The following CUX1 variants were observed in gnomAD, a reference collection of about 807,000 sequenced individuals.
CUX1 encodes cut like homeobox 1.
Under a neutral mutation model 158.8 loss-of-function variants are expected in CUX1, and 31 were observed. That is an observed-to-expected ratio of 0.20 (90% CI 0.15 to 0.26). The LOEUF (loss-of-function observed/expected upper bound fraction) is 0.26. CUX1 is among the 10% of genes least tolerant of loss of function. The pLI is 1.00. For synonymous variants in CUX1, 879 were observed against 862.1 expected, an observed-to-expected ratio of 1.02 and a Z score of -0.34; for missense variants, 1,589 against 2,014.6, an observed-to-expected ratio of 0.79 and a Z score of 4.04.
chr7:101,912,338 C>T (rs1416398704), intron 1 of CUX1, among the ~76,000 whole-genome samples: 2 of 151,684 alleles, frequency 1.3e-5, no homozygotes, highest in African/African-American at 4.8e-5. Context: ...GGACATAACT[C>T]GCCTCACTTC....
chr7:101,928,588 AT>A (rs961206662), intron 2 of CUX1, among the ~76,000 whole-genome samples: 1 of 149,158 alleles, frequency 6.7e-6, no homozygotes, highest in African/African-American at 2.5e-5. Context: ...TTGGTCTCAA[AT>A]TCCTGACCTT....
At chr7:102,145,109 A>T (rs1304021127) in intron 8 of CUX1, among the ~76,000 whole-genome samples, 4 of 145,666 alleles carry the variant, frequency 2.7e-5, no homozygotes, top group Non-Finnish European at 4.5e-5. Flanking sequence ...AAAAAAAAAA[A>T]TTTGAATCTC....
Position 101,893,174 on chromosome 7 carries a change from TTTTTTTTTTTTA to T in CUX1, c.31-22940_31-22929del, listed in dbSNP as rs1449191147. On this transcript the variant is annotated intron_variant, in intron 1 of 23. Coordinates refer to ENST00000292535, the MANE Select transcript of CUX1 (RefSeq NM_181552.4). ...TTTTTATTACTTTTTTTTTTTTTTT[TTTTTTTTTTTTA>T]AAATAGAGATGAGGGCTTGCTGTGT... Among the ~76,000 whole-genome samples the T allele has an allele frequency of 2.4e-4, 27 of 110,918 alleles. 1 individual carries two copies. The highest frequency in any genetic ancestry group is 7.3e-4 in the African/African-American group (21 of 28,938). The allele number at this position is 110,918 out of a possible 152,430, so 72.8% of individuals were successfully genotyped here. A position where few individuals can be genotyped will look rare whatever the true frequency, so the allele number is the denominator to read the frequency against.
At chr7:101,929,433 A>G (rs912920486) in intron 2 of CUX1, among the ~76,000 whole-genome samples, 6 of 152,184 alleles carry the variant, frequency 3.9e-5, no homozygotes, top group Non-Finnish European at 8.8e-5. Context: ...TTTCTGGTCA[A>G]TAACCTCAAC....
At chr7:102,099,595 G>T (rs1339504300) in intron 5 of CUX1, among the ~76,000 whole-genome samples, 1 of 151,112 alleles carries the variant, frequency 6.6e-6, no homozygotes, top group Non-Finnish European at 1.5e-5. Context: ...GTCTCGCCCT[G>T]TCACCCAGGC....
chr7:102,237,906 AGG>A (rs35662402), intron 22 of CUX1, among the ~76,000 whole-genome samples: 1 of 151,966 alleles, frequency 6.6e-6, no homozygotes, highest in Non-Finnish European at 1.5e-5. Flanking sequence ...TCCACTGGAC[AGG>A]GGGCCCTTCC....
At chr7:101,901,310 T>A (rs1350263062) in intron 1 of CUX1, among the ~76,000 whole-genome samples, 3 of 152,066 alleles carry the variant, frequency 2.0e-5, no homozygotes, top group Non-Finnish European at 4.4e-5. Flanking sequence ...TTATTTGTTT[T>A]TGAGACGGAG....
chr7:102,074,874 C>T (rs1050571507), intron 4 of CUX1, among the ~76,000 whole-genome samples: 9 of 152,088 alleles, frequency 5.9e-5, no homozygotes, highest in African/African-American at 2.2e-4. Context: ...TTTTGTTTTT[C>T]TTGAGATGGG....
At chr7:101,897,341 A>G (rs1020087838) in intron 1 of CUX1, among the ~76,000 whole-genome samples, 1 of 152,098 alleles carries the variant, frequency 6.6e-6, no homozygotes, top group African/African-American at 2.4e-5. Context: ...TTCTACAGAA[A>G]TTTTTAAAAA....
intron 22 of CUX1, among the ~76,000 whole-genome samples, chr7:102,236,363 G>A (rs1799564817): frequency 6.6e-6 from 1 of 151,996 alleles, no homozygotes; most frequent in African/African-American, 2.4e-5. Flanking sequence ...TGCCTCTTGG[G>A]CAGCCCCAGG....
chr7:101,848,051 C>CAAAAAAAAAAAAAAAAAAAAAAT (rs1795880199), intron 1 of CUX1, among the ~76,000 whole-genome samples: 1 of 65,378 alleles, frequency 1.5e-5, no homozygotes, highest in Non-Finnish European at 2.7e-5. Context: ...GAGCAAGACT[C>CAAAAAAAAAAAAAAAAAAAAAAT]AAAAAAAAAA....
At chr7:101,908,335 A>G (rs1160391414) in intron 1 of CUX1, among the ~76,000 whole-genome samples, 1 of 151,910 alleles carries the variant, frequency 6.6e-6, no homozygotes, top group East Asian at 1.9e-4. Flanking sequence ...TAGTAGAGAC[A>G]GGGTTTCGCC....
rs201465377 is a variant in CUX1 at position 102,174,962 on chromosome 7, C to CA, written c.829-3499dup. ...AAGACTCCATCTCAAAAAACAAAAACAAAAAAAACAGATAGAGGGAGGATG... is the reference window on the plus strand; with the variant it reads ...AAGACTCCATCTCAAAAAACAAAAACAAAAAAAAACAGATAGAGGGAGGATG... On this transcript the variant is annotated intron_variant, in intron 10 of 23. Coordinates refer to ENST00000292535, the MANE Select transcript of CUX1 (RefSeq NM_181552.4). 1.2e-3 allele frequency among the ~76,000 whole-genome samples: 175 copies of CA among 151,762 alleles called. 1 individual carries two copies. The East Asian group carries it at 0.015, about 13-fold the overall frequency.
intron 9 of CUX1, among the ~76,000 whole-genome samples, chr7:102,167,786 AATAGTT>A (rs1213205558): frequency 1.2e-4 from 18 of 152,268 alleles, no homozygotes; most frequent in African/African-American, 4.3e-4. Context: ...CTGTAGTCTT[AATAGTT>A]GATTAGGTCG....
chr7:102,201,025 TAAAAAAAAAAAA>T lies in CUX1; in HGVS notation c.2063-317_2063-306del, dbSNP rs78359248. ...CTGGACAACAGCGAGATCCTGTCGC[TAAAAAAAAAAAA>T]AAAAAAAAAAAAAAAAATTCTCGGG... On this transcript the variant is annotated intron_variant, in intron 17 of 23. Transcript: ENST00000292535. The surrounding 1 kb of genome is among the most constrained non-coding windows in gnomAD (Gnocchi z 5.0). 4.7e-4 allele frequency among the ~76,000 whole-genome samples: 20 copies of T among 42,140 alleles called. No individual in the cohort carries two copies. In the South Asian group the frequency reaches 5.2e-3, roughly 11 times the overall value. The allele number at this position is 42,140 out of a possible 152,430, so 27.6% of individuals were successfully genotyped here.
intron 8 of CUX1, 88 bp downstream of exon 8, chr7:102,115,361 C>G: frequency 9.1e-7 from 1 of 1,097,512 alleles, no homozygotes; most frequent in Non-Finnish European, 1.3e-6. Context: ...GGTTCTTGAC[C>G]TCTGTGCTGC....
At chr7:102,268,666 A>G (rs1415548625) in intron 14 of CUX1, among the ~76,000 whole-genome samples, 9 of 152,148 alleles carry the variant, frequency 5.9e-5, no homozygotes, top group Non-Finnish European at 1.3e-4. Context: ...TCTTTGGCTC[A>G]TGGTTCTGCA....
intron 8 of CUX1, among the ~76,000 whole-genome samples, chr7:102,126,656 C>T (rs1832672663): frequency 6.6e-6 from 1 of 152,154 alleles, no homozygotes; most frequent in Non-Finnish European, 1.5e-5. Flanking sequence ...AATTAGTCTA[C>T]AGTTAGGCAA....
At chr7:101,969,359 C>CAAAAAAAAAAAAAAAAAAAAAAAAAAA (rs10711703) in intron 2 of CUX1, among the ~76,000 whole-genome samples, 9 of 56,112 alleles carry the variant, frequency 1.6e-4, no homozygotes, top group South Asian at 9.4e-4. Context: ...CAAAAAACAG[C>CAAAAAAAAAAAAAAAAAAAAAAAAAAA]AAAAAAAAAA....
Sources: allele counts gnomAD v4.1 joint callset (sites outside exome capture counted in the v4.1 genomes callset), GRCh38; gene constraint gnomAD v4.1.1; non-coding constraint Gnocchi (gnomAD v3.1); transcripts MANE v1.5; gene names NCBI Gene and HGNC (gene_info 2026-07-23, HGNC 2026-07-21).